Variants in TMPRSS3 observed in about 807,000 individuals in gnomAD.
TMPRSS3 encodes transmembrane serine protease 3, also known as transmembrane protease serine 3.
Under a neutral mutation model 59.6 loss-of-function variants are expected in TMPRSS3, and 55 were observed. The ratio of observed to expected loss-of-function variants is 0.92; its 90% CI spans 0.74 to 1.16. TMPRSS3 has a LOEUF of 1.16. Among genes scored for constraint, TMPRSS3 ranks in the 50% most tolerant of loss-of-function variants. The probability of loss-of-function intolerance (pLI) is 0.00; values close to 1 mark genes in which losing one functional copy is unlikely to be tolerated. For synonymous variants in TMPRSS3, 257 were observed against 237.7 expected (o/e 1.08, Z -0.75); for missense variants, 596 against 579.4 (o/e 1.03, Z -0.29).
chr21:42,383,331 A>T, intron 7 of TMPRSS3, 133 bp from the exon 8 acceptor site: 1 of 968,658 alleles, frequency 1.0e-6, no homozygotes. Context: ...CAGCTCTAAG[A>T]CAAGTGCTGC....
rs1168559026 is a variant in TMPRSS3 at position 42,383,035 on chromosome 21, A to G, written c.780T>C (p.Tyr260=). Residue 260 remains tyrosine (Y), a splice_region_variant and synonymous_variant, in exon 8 of 13, where the codon TAT becomes TAC. Transcript: ENST00000644384. The stretch of plus-strand genomic sequence containing the variant: ...GGAAGATGGTCAGCAGCACTCACTC[A>G]TAAACACAGTGTGCAGCAGTGATGA... ...LWIITAAHCV[Y]DLYLPKSWTI... 1.9e-6 allele frequency: 3 copies of G among 1,613,984 alleles called. No homozygotes were observed. The highest frequency in any genetic ancestry group is 2.2e-5 in the East Asian group (1 of 44,902).
chr21:42,395,669 CAAA>C (rs138713556), intron 1 of TMPRSS3: 3,209 of 238,938 alleles, frequency 0.013, no homozygotes, highest in Middle Eastern at 0.03. Context: ...CTAGAATTAG[CAAA>C]AAAAAAAAAA....
intron 12 of TMPRSS3, 99 bp from the exon 13 acceptor site, chr21:42,372,878 G>A: frequency 7.0e-7 from 1 of 1,430,764 alleles, no homozygotes; most frequent in Non-Finnish European, 9.8e-7. Context: ...TGTGGGAATT[G>A]TGGGGCTGTT....
In TMPRSS3 at chr21:42,372,722, T is replaced by A. The variant is rs1029638532; in HGVS notation, c.*40A>T. On this transcript the variant is annotated 3_prime_UTR_variant, in exon 13 of 13. Transcript: ENST00000644384. ...CCAGGGGAGGATCGGGCTGTCTTCA[T>A]CACCTCAGGAACTCAGGTGGCTACT... 1 of 1,612,246 alleles carries A rather than the reference T, an allele frequency of 6.2e-7. No homozygotes were observed. The highest frequency in any genetic ancestry group is 8.5e-7 in the Non-Finnish European group (1 of 1,178,242).
At chr21:42,393,737 C>T (rs1032046552) in intron 2 of TMPRSS3, among the ~76,000 whole-genome samples, 2 of 152,188 alleles carry the variant, frequency 1.3e-5, no homozygotes, top group Non-Finnish European at 2.9e-5. Context: ...TCTGTCCTAA[C>T]GACCCCACTC....
chr21:42,384,146 AGTCT>A, intron 6 of TMPRSS3, 133 bp from the exon 7 acceptor site: 1 of 739,178 alleles, frequency 1.4e-6, no homozygotes, highest in Non-Finnish European at 2.1e-6. Flanking sequence ...TTACAATTTT[AGTCT>A]ATGTTCAAAA....
At position 42,388,851 on chromosome 21, in the gene TMPRSS3, C is replaced by T; in HGVS notation, c.322+78G>A. The stretch of plus-strand genomic sequence containing the variant: ...CCTAAAAATGGCAATGACTTGGACC[C>T]ATTTTACAGATGGGAAGGGTCAGGG... On this transcript the variant is annotated intron_variant, in intron 4 of 12. Coordinates refer to ENST00000644384, the MANE Select transcript of TMPRSS3 (RefSeq NM_001256317.3). This position sits in a 1 kb window ranked among gnomAD's most constrained non-coding sequence, Gnocchi z 5.1. The T allele has an allele frequency of 7.9e-7, 1 of 1,269,170 alleles. No homozygotes were observed. Among genetic ancestry groups the T allele is most frequent in the Non-Finnish European group, 1.2e-6 (1 of 867,044 alleles). The allele number at this position is 1,269,170 out of a possible 1,614,324, so 78.6% of individuals were successfully genotyped here. A position where few individuals can be genotyped will look rare whatever the true frequency, so the allele number is the denominator to read the frequency against.
intron 3 of TMPRSS3, 158 bp from the exon 4 acceptor site, chr21:42,389,203 T>C (rs1387172907): frequency 1.1e-5 from 17 of 1,485,250 alleles, no homozygotes; most frequent in South Asian, 4.9e-5. Flanking sequence ...GCAGCCCAGT[T>C]TCTGTTTTGA....
Position 42,383,202 on chromosome 21 carries a change from T to G in TMPRSS3, c.617-4A>C. On this transcript the variant is annotated splice_polypyrimidine_tract_variant and splice_region_variant and intron_variant, in intron 7 of 12. Transcript: ENST00000644384. ...TAGCCCCTTCTATGACCACAGGCTA[T>G]GGAGGGGAACAAAGGCTTGTGGGTC... 1 of 1,613,956 alleles carries G rather than the reference T, an allele frequency of 6.2e-7. No homozygotes were observed. The highest frequency in any genetic ancestry group is 8.5e-7 in the Non-Finnish European group (1 of 1,179,986).
intron 6 of TMPRSS3, 122 bp downstream of exon 6, chr21:42,385,287 C>T: frequency 1.4e-6 from 2 of 1,431,308 alleles, no homozygotes; most frequent in South Asian, 2.3e-5. Flanking sequence ...TGGCCAACTC[C>T]CACCTTCCAT....
intron 3 of TMPRSS3, among the ~76,000 whole-genome samples, chr21:42,389,392 C>A (rs1322620632): frequency 6.6e-6 from 1 of 152,196 alleles, no homozygotes; most frequent in Non-Finnish European, 1.5e-5. Flanking sequence ...ACTGCTCGGC[C>A]TTCCTGGTTT....
At position 42,388,943 on chromosome 21, in the gene TMPRSS3, T is replaced by A; in HGVS notation, c.308A>T (p.Asp103Val). ...CATGACCTTACCACAGCGGTACTCG[T>A]CCTCCCCGTCTTTGCAATCCGAGAC... ...DGVSDCKDGEDEYRCVRVGGQ... is the reference protein window; with the variant it reads ...DGVSDCKDGEVEYRCVRVGGQ... Residue 103 changes from aspartate (D) to valine (V), a missense_variant, in exon 4 of 13, where the codon GAC (aspartate) becomes GTC (valine). Physicochemically the swap from Asp to Val is radical, Grantham distance 152. Coordinates refer to ENST00000644384, the MANE Select transcript of TMPRSS3 (RefSeq NM_001256317.3). The surrounding 1 kb of genome is among the most constrained non-coding windows in gnomAD (Gnocchi z 5.1). 1 of 1,614,052 alleles carries A rather than the reference T, an allele frequency of 6.2e-7. No individual in the cohort carries two copies. Among genetic ancestry groups the A allele is most frequent in the South Asian group, 1.1e-5 (1 of 91,082 alleles).
In TMPRSS3 at chr21:42,375,754, C is replaced by T. The variant is rs114904237; in HGVS notation, c.1306G>A (p.Val436Ile). Residue 436 changes from valine to isoleucine, a missense_variant, in exon 12 of 13, where the codon GTC (valine) becomes ATC (isoleucine). Transcript: ENST00000644384. ...EVNKPGVYTRVTSFLDWIHEQ... is the reference protein window; with the variant it reads ...EVNKPGVYTRITSFLDWIHEQ... Reference sequence around the variant, plus strand: ...TGGATCCAGTCCAGGAAGGAGGTGACACGGGTGTACACCCCAGGCTTGTTC... The same window carrying T: ...TGGATCCAGTCCAGGAAGGAGGTGATACGGGTGTACACCCCAGGCTTGTTC... 1,212 of 1,613,780 alleles carry T rather than the reference C, an allele frequency of 7.5e-4. 12 individuals carry two copies. The African/African-American group carries it at 0.014, about 19-fold the overall frequency.
intron 9 of TMPRSS3, 78 bp from the exon 10 acceptor site, chr21:42,380,290 T>A: frequency 8.3e-7 from 1 of 1,207,238 alleles, no homozygotes; most frequent in Non-Finnish European, 1.2e-6. Flanking sequence ...TGCTTCTGCC[T>A]CTGAGGAGCC....
rs1413686744 is a variant in TMPRSS3, at chr21:42,371,980, C to A, written c.*782G>T. On this transcript the variant is annotated 3_prime_UTR_variant, in exon 13 of 13. Coordinates refer to ENST00000644384, the MANE Select transcript of TMPRSS3 (RefSeq NM_001256317.3). ...AGAAATCATGAAAATAGGCCTTAAA[C>A]GAGTCATTCCTAGATTAACCTCCCC... 6.6e-6 allele frequency: 3 copies of A among 454,480 alleles called. No individual in the cohort carries two copies. 28.2% of individuals were successfully genotyped at this position (454,480 alleles called of 1,614,324 possible).
Position 42,389,065 on chromosome 21 carries a change from C to T in TMPRSS3, c.206-20G>A, listed in dbSNP as rs762355212. The stretch of plus-strand genomic sequence containing the variant: ...AGTGGACTGGGAAAAGGGAGGAAGG[C>T]AGGAATTAACCAACAGCTCTTTCAG... On this transcript the variant is annotated intron_variant, in intron 3 of 12. Transcript: ENST00000644384. 8.7e-6 allele frequency: 14 copies of T among 1,613,656 alleles called. No individual in the cohort carries two copies. The Admixed American group carries it at 2.0e-4, about 23-fold the overall frequency.
chr21:42,375,987 G>T, intron 11 of TMPRSS3, 119 bp from the exon 12 acceptor site: 1 of 1,323,194 alleles, frequency 7.6e-7, no homozygotes, highest in Non-Finnish European at 1.1e-6. Flanking sequence ...CCTTCATGAT[G>T]TCCCAATGGA....
intron 8 of TMPRSS3, 90 bp downstream of exon 8, chr21:42,382,943 C>A: frequency 6.6e-7 from 1 of 1,520,506 alleles, no homozygotes; most frequent in Non-Finnish European, 9.0e-7. Context: ...TGTCTTCCCT[C>A]TGGACCCGCT....
At chr21:42,382,895 T>A (rs1415758728) in intron 8 of TMPRSS3, 138 bp downstream of exon 8, 1 of 1,036,502 alleles carries the variant, frequency 9.6e-7, no homozygotes, top group African/African-American at 1.6e-5. Context: ...GGCTGGAGAC[T>A]CCTCTCCAAC....
Sources: gnomAD v4.1 joint callset for allele counts (sites outside exome capture counted in the v4.1 genomes callset) on GRCh38, gnomAD v4.1.1 for gene constraint, Gnocchi (gnomAD v3.1) non-coding constraint, MANE v1.5 for transcripts, NCBI Gene and HGNC (gene_info 2026-07-23, HGNC 2026-07-21) for gene names.